SEC14L1: variants seen among roughly 807,000 people sequenced by gnomAD.
SEC14L1 encodes the protein SEC14-like protein 1.
Under a neutral mutation model 85.3 loss-of-function variants are expected in SEC14L1, and 48 were observed. The ratio of observed to expected loss-of-function variants is 0.56; its 90% CI spans 0.45 to 0.72. The LOEUF (loss-of-function observed/expected upper bound fraction) is 0.72. Among genes scored for constraint, SEC14L1 ranks in the 30% least tolerant of loss-of-function variants. The pLI is 0.00. For synonymous variants in SEC14L1, 391 were observed against 355.5 expected (o/e 1.10, Z -1.12); for missense variants, 682 against 921.4 (o/e 0.74, Z 3.36).
intron 6 of SEC14L1, 97 bp from the exon 7 acceptor site, chr17:77,194,580 C>A (rs759301094): frequency 3.9e-5 from 34 of 862,648 alleles, no homozygotes; most frequent in Non-Finnish European, 6.0e-5. Context: ...TGAGGCTCAC[C>A]ATCTTCCGTT....
At position 77,216,648 on chromosome 17, in the gene SEC14L1, G is replaced by A; in HGVS notation, c.*2625G>A. ...ACTGTTTGAATTGCAGCCATCCCCT[G>A]CCCCCTCCCAGGCTGAAGATCTGTT... On this transcript the variant is annotated 3_prime_UTR_variant, in exon 17 of 17. Transcript: ENST00000436233. 6.2e-7 allele frequency: 1 copy of A among 1,609,160 alleles called. No homozygotes were observed. Among genetic ancestry groups the A allele is most frequent in the Non-Finnish European group, 8.5e-7 (1 of 1,176,354 alleles).
At chr17:77,177,565 G>A (rs1974815371) in intron 3 of SEC14L1, among the ~76,000 whole-genome samples, 2 of 151,918 alleles carry the variant, frequency 1.3e-5, no homozygotes, top group African/African-American at 4.8e-5. Context: ...TTTAGCTATG[G>A]TTAGTTGCAT....
rs761672859 is a variant in SEC14L1 at position 77,213,270 on chromosome 17, C to G, written c.1864-44C>G. On this transcript the variant is annotated intron_variant, in intron 15 of 16. Coordinates refer to ENST00000436233, the MANE Select transcript of SEC14L1 (RefSeq NM_001143998.2). This position sits in a 1 kb window ranked among gnomAD's most constrained non-coding sequence, Gnocchi z 7.1. ...GTCAGGCCTGTGGTAGGCCAGGGGT[C>G]GGAAGCGAGTCGCCCTCAGCTGCCA... 2 of 1,544,690 alleles carry G rather than the reference C, an allele frequency of 1.3e-6. No homozygotes were observed. Among genetic ancestry groups the G allele is most frequent in the South Asian group, 2.5e-5 (2 of 80,876 alleles).
At chr17:77,168,225 C>G (rs536884837) in intron 3 of SEC14L1, among the ~76,000 whole-genome samples, 1 of 152,148 alleles carries the variant, frequency 6.6e-6, no homozygotes, top group Admixed American at 6.5e-5. Flanking sequence ...AGAGCAAGAA[C>G]GTTACACAGT....
intron 3 of SEC14L1, among the ~76,000 whole-genome samples, chr17:77,178,525 AGCAGTGGTCCC>A (rs542621194): frequency 1.7e-3 from 256 of 152,290 alleles, no homozygotes; most frequent in African/African-American, 5.9e-3. Context: ...TCTCTGTTAA[AGCAGTGGTCCC>A]CAGCCTTTTT....
chr17:77,204,586 G>A (rs1250172254), intron 10 of SEC14L1, among the ~76,000 whole-genome samples: 1 of 144,964 alleles, frequency 6.9e-6, no homozygotes, highest in Non-Finnish European at 1.5e-5. Flanking sequence ...TGAGGCTGGG[G>A]TACAGTGTAC....
intron 3 of SEC14L1, chr17:77,099,247 T>C (rs2143305316): frequency 6.6e-6 from 1 of 152,350 alleles, no homozygotes; most frequent in East Asian, 1.9e-4. Flanking sequence ...GACAAATCCC[T>C]TTTAACAAAA....
chr17:77,178,651 G>C (rs1414185702), intron 3 of SEC14L1, among the ~76,000 whole-genome samples: 4 of 152,182 alleles, frequency 2.6e-5, no homozygotes, highest in Non-Finnish European at 5.9e-5. Context: ...TCAGGCATTG[G>C]ATTCTCTTAC....
intron 6 of SEC14L1, among the ~76,000 whole-genome samples, chr17:77,194,262 A>G (rs1415251999): frequency 6.6e-6 from 1 of 152,156 alleles, no homozygotes; most frequent in Non-Finnish European, 1.5e-5. Flanking sequence ...GTGTTTTAAA[A>G]GCTTGTGAGG....
intron 3 of SEC14L1, 49 bp downstream of exon 3, chr17:77,143,708 T>G (rs377304866): frequency 5.0e-5 from 67 of 1,335,974 alleles, no homozygotes; most frequent in Non-Finnish European, 6.8e-5. Flanking sequence ...ATTTATAAAG[T>G]ACAGTGTTAG....
chr17:77,203,135 CTG>C (rs1311157288), intron 9 of SEC14L1, among the ~76,000 whole-genome samples: 1 of 152,088 alleles, frequency 6.6e-6, no homozygotes, highest in African/African-American at 2.4e-5. Flanking sequence ...TAAAAGTACT[CTG>C]TAGTCATAGA....
intron 3 of SEC14L1, among the ~76,000 whole-genome samples, chr17:77,116,932 C>T (rs1383128054): frequency 6.6e-6 from 1 of 152,156 alleles, no homozygotes. Context: ...TCCAGGCGGA[C>T]ACCCCATCTT....
In SEC14L1 at chr17:77,197,886, G is replaced by A. The variant is rs113404069; in HGVS notation, c.819+1575G>A. Among the ~76,000 whole-genome samples the A allele has an allele frequency of 3.5e-3, 537 of 152,326 alleles. 1 individual carries two copies. Among genetic ancestry groups the A allele is most frequent in the African/African-American group, 0.012 (497 of 41,568 alleles). On this transcript the variant is annotated intron_variant, in intron 8 of 16. Transcript: ENST00000436233. ...CTCCCAAAGGGCTGGGATTACAGGC[G>A]TGAGCCACTGGGCCCAACCTCGAAT...
chr17:77,119,108 G>T (rs1423987020), intron 3 of SEC14L1, among the ~76,000 whole-genome samples: 3 of 152,108 alleles, frequency 2.0e-5, no homozygotes, highest in African/African-American at 7.2e-5. Flanking sequence ...TCAGGAGTTT[G>T]AGACCAGCTT....
intron 3 of SEC14L1, among the ~76,000 whole-genome samples, chr17:77,099,828 A>G (rs1971725719): frequency 6.6e-6 from 1 of 152,120 alleles, no homozygotes; most frequent in Non-Finnish European, 1.5e-5. Context: ...AAGATACTTC[A>G]CCCCTTCGAA....
chr17:77,126,528 A>G (rs1479129625), intron 3 of SEC14L1, among the ~76,000 whole-genome samples: 2 of 152,228 alleles, frequency 1.3e-5, no homozygotes, highest in African/African-American at 4.8e-5. Context: ...ATATGGAATA[A>G]TAAACTCAGG....
At chr17:77,137,389 A>G (rs12938682), upstream of SEC14L1, among the ~76,000 whole-genome samples, 93,672 of 152,000 alleles carry the variant, frequency 0.62, 29,030 homozygotes, top group Middle Eastern at 0.71. Context: ...GAAAGCAGGC[A>G]GAAGCTCCAG....
At chr17:77,091,907 G>A (rs1401040090) in intron 2 of SEC14L1, among the ~76,000 whole-genome samples, 2 of 152,000 alleles carry the variant, frequency 1.3e-5, no homozygotes, top group Admixed American at 6.6e-5. Flanking sequence ...CGCCTCCCGG[G>A]TTCAAGCGAT....
At chr17:77,156,860 G>A (rs1202892352) in intron 3 of SEC14L1, among the ~76,000 whole-genome samples, 8 of 152,114 alleles carry the variant, frequency 5.3e-5, no homozygotes, top group Admixed American at 6.5e-5. Flanking sequence ...CCTGAAAAGC[G>A]TGTCCTGGTT....
Sources: gnomAD v4.1 joint callset for allele counts (sites outside exome capture counted in the v4.1 genomes callset) on GRCh38, gnomAD v4.1.1 for gene constraint, Gnocchi (gnomAD v3.1) non-coding constraint, MANE v1.5 for transcripts, NCBI Gene and HGNC (gene_info 2026-07-23, HGNC 2026-07-21) for gene names.